Variants in FAAH2 observed in about 807,000 individuals in gnomAD.
FAAH2 encodes fatty acid amide hydrolase 2, also known as fatty-acid amide hydrolase 2.
Under a neutral mutation model 36.9 loss-of-function variants are expected in FAAH2, and 60 were observed. The observed-to-expected ratio is 1.63, with a 90% confidence interval of 1.32 to 2.02. FAAH2 has a LOEUF of 2.02. FAAH2 is among the 30% of genes most tolerant of loss of function. The probability of loss-of-function intolerance (pLI) is 0.00; values close to 1 mark genes in which losing one functional copy is unlikely to be tolerated. For missense variants in FAAH2, 689 were observed against 397.5 expected (o/e 1.73, Z -6.23); for synonymous variants, 214 against 143.8 (o/e 1.49, Z -3.49).
rs1569283973 is a variant in FAAH2, at chrX:57,352,078, ATGTGTATATATATG to A, written c.742+10689_742+10702del. The stretch of plus-strand genomic sequence containing the variant: ...TATATATATATATACACATATATAT[ATGTGTATATATATG>A]CACATATATATATATGTGTATATAT... On this transcript the variant is annotated intron_variant, in intron 5 of 10. Coordinates refer to ENST00000374900, the MANE Select transcript of FAAH2 (RefSeq NM_174912.4). 4.1e-3 allele frequency among the ~76,000 whole-genome samples: 167 copies of A among 40,255 alleles called. 19 individuals carry two copies. Among genetic ancestry groups the A allele is most frequent in the African/African-American group, 0.011 (83 of 7,819 alleles). 35.0% of individuals were successfully genotyped at this position (40,255 alleles called of 115,157 possible).
the FAAH2 span, among the ~76,000 whole-genome samples, chrX:57,143,928 T>G: frequency 8.9e-6 from 1 of 112,262 alleles, no homozygotes; most frequent in Non-Finnish European, 1.9e-5. Flanking sequence ...CTTGCCTTTT[T>G]GTGTCATTTC....
At chrX:57,431,787 G>GTTTT (rs58140227) in intron 7 of FAAH2, 131 bp from the exon 8 acceptor site, 5 of 129,281 alleles carry the variant, frequency 3.9e-5, no homozygotes, top group Non-Finnish European at 5.1e-5. Flanking sequence ...TTGTTTTTTT[G>GTTTT]TTTTTTTTGG....
chrX:57,348,953 A>T (rs1294044048), intron 5 of FAAH2, among the ~76,000 whole-genome samples: 1 of 106,875 alleles, frequency 9.4e-6, no homozygotes, highest in Non-Finnish European at 1.9e-5. Flanking sequence ...AAAAATCTCA[A>T]AATGCCATTT....
intron 6 of FAAH2, among the ~76,000 whole-genome samples, chrX:57,378,996 AAG>A (rs1030203800): frequency 3.6e-5 from 4 of 111,990 alleles, no homozygotes; most frequent in African/African-American, 1.3e-4. Context: ...AGAAAATACA[AAG>A]AGAGGCCTTA....
At chrX:57,435,609 T>C (rs188550504) in intron 8 of FAAH2, among the ~76,000 whole-genome samples, 50 of 110,662 alleles carry the variant, frequency 4.5e-4, no homozygotes, top group African/African-American at 1.6e-3. Flanking sequence ...AAGGTCATTG[T>C]ATAATGATAA....
chrX:57,122,077 G>T, the FAAH2 span: 1 of 110,791 alleles, frequency 9.0e-6, no homozygotes, highest in Non-Finnish European at 1.9e-5. Flanking sequence ...TTTATTGCAA[G>T]ATAATTGCAT....
chrX:57,341,211 A>T, intron 4 of FAAH2, 60 bp from the exon 5 acceptor site: 1 of 1,108,982 alleles, frequency 9.0e-7, no homozygotes. Context: ...ATGGAAAAAG[A>T]TATTCCATGC....
chrX:57,343,272 T>C (rs758570377), intron 5 of FAAH2, among the ~76,000 whole-genome samples: 1 of 112,078 alleles, frequency 8.9e-6, no homozygotes, highest in South Asian at 3.7e-4. Context: ...TGCAGCCTCA[T>C]CAGTGTCAGT....
At chrX:57,461,145 T>TA (rs34905766) in intron 10 of FAAH2, among the ~76,000 whole-genome samples, 55,391 of 101,357 alleles carry the variant, frequency 0.55, 14,058 homozygotes, top group Non-Finnish European at 0.75. Context: ...ACCAGATTAA[T>TA]AAAAAAAAAA....
At chrX:57,212,522 A>C in the FAAH2 span, among the ~76,000 whole-genome samples, 4 of 112,683 alleles carry the variant, frequency 3.5e-5, no homozygotes, top group Non-Finnish European at 5.6e-5. Flanking sequence ...GATACATTTA[A>C]AAAATAAAAC....
chrX:57,290,214 T>C (rs1309147267), intron 1 of FAAH2: 6 of 731,550 alleles, frequency 8.2e-6, no homozygotes, highest in African/African-American at 2.4e-5. Context: ...TTTTTTTTTT[T>C]CTCACGTGCT....
At chrX:57,208,260 G>A in the FAAH2 span, among the ~76,000 whole-genome samples, 14 of 112,120 alleles carry the variant, frequency 1.2e-4, no homozygotes, top group East Asian at 8.5e-4. Context: ...TTCCTCCTTC[G>A]CCACTTTAGC....
At chrX:57,304,205 A>AAAAAC (rs1263138135) in intron 2 of FAAH2, among the ~76,000 whole-genome samples, 1 of 112,046 alleles carries the variant, frequency 8.9e-6, no homozygotes, top group Non-Finnish European at 1.9e-5. Flanking sequence ...AGACTGTCTC[A>AAAAAC]AAAACAAAAC....
At position 57,310,651 on chromosome X, in the gene FAAH2, G is replaced by A. The variant is rs745882755; in HGVS notation, c.334G>A (p.Glu112Lys). Residue 112 changes from glutamate to lysine, a missense_variant, in exon 3 of 11, where the codon GAA becomes AAA. Physicochemically the swap from Glu to Lys is moderately conservative, Grantham distance 56. Transcript: ENST00000374900. Reference sequence around the variant, plus strand: ...AGATCAAAAGCTTGCAGAGAAGCAGGAAGATGAAGCCACCCTGGAAAATAA... The same window carrying A: ...AGATCAAAAGCTTGCAGAGAAGCAGAAAGATGAAGCCACCCTGGAAAATAA... The part of the protein sequence containing the change: ...AVDQKLAEKQ[E>K]DEATLENKWP... 9.1e-6 allele frequency: 11 copies of A among 1,209,564 alleles called. No homozygotes were observed. The South Asian group carries it at 1.9e-4, about 21-fold the overall frequency.
the FAAH2 span, among the ~76,000 whole-genome samples, chrX:57,252,502 C>T: frequency 1.8e-5 from 2 of 112,037 alleles, no homozygotes; most frequent in Non-Finnish European, 3.8e-5. Context: ...CTGACAGACA[C>T]CTCATACAGG....
the FAAH2 span, among the ~76,000 whole-genome samples, chrX:57,199,701 G>T: frequency 3.6e-5 from 4 of 111,352 alleles, no homozygotes; most frequent in South Asian, 7.6e-4. Flanking sequence ...AGCTATTATT[G>T]TGTTGTAATC....
intron 7 of FAAH2, among the ~76,000 whole-genome samples, chrX:57,399,695 A>T (rs552699840): frequency 2.7e-5 from 3 of 112,038 alleles, no homozygotes; most frequent in South Asian, 3.7e-4. Context: ...TAATCTCCTA[A>T]TGGCTTCCTG....
intron 5 of FAAH2, among the ~76,000 whole-genome samples, chrX:57,352,061 TATATACAC>T (rs1569283840): frequency 3.2e-4 from 13 of 40,966 alleles, no homozygotes; most frequent in East Asian, 2.5e-3. Flanking sequence ...TATATATATA[TATATACAC>T]ATATATATAT....
intron 10 of FAAH2, among the ~76,000 whole-genome samples, chrX:57,468,731 C>A (rs1435059523): frequency 1.8e-5 from 2 of 110,877 alleles, no homozygotes; most frequent in Non-Finnish European, 3.8e-5. Context: ...ACATTCAGAT[C>A]CAGGAAATAC....
Sources: gnomAD v4.1 joint callset for allele counts (sites outside exome capture counted in the v4.1 genomes callset) on GRCh38, gnomAD v4.1.1 for gene constraint, MANE v1.5 for transcripts, NCBI Gene and HGNC (gene_info 2026-07-23, HGNC 2026-07-21) for gene names.